Variants in EPN2 observed in about 807,000 individuals in gnomAD.
EPN2 encodes the protein epsin-2.
A neutral mutation model predicts 61.7 loss-of-function variants in EPN2; 34 were observed. The observed-to-expected ratio is 0.55, with a 90% confidence interval of 0.42 to 0.73. The LOEUF (loss-of-function observed/expected upper bound fraction) is 0.73, where lower values mean the gene tolerates loss of function less well. EPN2 is among the 30% of genes least tolerant of loss of function. The pLI is 0.00. For synonymous variants in EPN2, 349 were observed against 353.6 expected (o/e 0.99, Z 0.15); for missense variants, 714 against 839.2 (o/e 0.85, Z 1.84).
chr17:19,335,586 T>A lies in EPN2; in HGVS notation c.*1332T>A. On this transcript the variant is annotated 3_prime_UTR_variant, in exon 11 of 11. Transcript: ENST00000314728. Reference sequence around the variant, plus strand: ...TGGGGGGTGCTTCTGTGCCCACGGGTCCCTGGGCAACAGTCCCTAGGCTAA... The same window carrying A: ...TGGGGGGTGCTTCTGTGCCCACGGGACCCTGGGCAACAGTCCCTAGGCTAA... The A allele has an allele frequency of 5.5e-6, 5 of 905,110 alleles. No homozygotes were observed. Among genetic ancestry groups the A allele is most frequent in the South Asian group, 2.0e-5 (1 of 49,064 alleles). 56.1% of individuals were successfully genotyped at this position (905,110 alleles called of 1,614,324 possible). A position where few individuals can be genotyped will look rare whatever the true frequency, so the allele number is the denominator to read the frequency against.
chr17:19,294,620 A>T (rs570197168), intron 4 of EPN2, among the ~76,000 whole-genome samples: 46 of 152,340 alleles, frequency 3.0e-4, no homozygotes, highest in African/African-American at 6.5e-4. Flanking sequence ...ACAGTATGAT[A>T]CATAGTTGTT....
intron 1 of EPN2, among the ~76,000 whole-genome samples, chr17:19,244,367 G>A (rs1215803735): frequency 1.3e-5 from 2 of 151,928 alleles, no homozygotes; most frequent in Non-Finnish European, 2.9e-5. Flanking sequence ...GCTGAGGCAC[G>A]AGAATTGCTT....
At chr17:19,311,743 A>G (rs904453223) in intron 5 of EPN2, among the ~76,000 whole-genome samples, 2 of 152,298 alleles carry the variant, frequency 1.3e-5, no homozygotes, top group Admixed American at 1.3e-4. Context: ...GAATTTATAA[A>G]GCCAGTTTCA....
intron 7 of EPN2, among the ~76,000 whole-genome samples, chr17:19,315,359 G>A (rs766292868): frequency 1.3e-5 from 2 of 152,160 alleles, no homozygotes; most frequent in Non-Finnish European, 2.9e-5. Flanking sequence ...GGGTGTGAGC[G>A]GAGGAGTCTC....
rs1217448665 is a variant in EPN2, at chr17:19,328,836, G to A, written c.1273G>A (p.Ala425Thr). Residue 425 changes from alanine (A) to threonine (T), a missense_variant, in exon 8 of 11, where the codon GCT becomes ACT. Physicochemically the swap from Ala to Thr is moderately conservative, Grantham distance 58. This residue lies in a region of EPN2 where 410 missense variants were observed against 421.8 expected (regional missense o/e 0.97). Transcript: ENST00000314728. ...GCCTGCCTCCAGTGCTGGGAAAAGA[G>A]CTTCTGACGCGTGGGGCGCAGTCTC... The part of the protein sequence containing the change: ...QQPASSAGKR[A>T]SDAWGAVSTT... 3 of 1,613,376 alleles carry A rather than the reference G, an allele frequency of 1.9e-6. No individual in the cohort carries two copies. In the African/African-American group the frequency reaches 4.0e-5, roughly 22 times the overall value.
intron 7 of EPN2, among the ~76,000 whole-genome samples, chr17:19,315,597 C>T (rs1344864673): frequency 5.9e-5 from 9 of 152,178 alleles, no homozygotes; most frequent in East Asian, 3.8e-4. Flanking sequence ...AGCAATTCTC[C>T]TGCTTCATCC....
chr17:19,241,962 A>G (rs747927670), intron 1 of EPN2, among the ~76,000 whole-genome samples: 2 of 152,202 alleles, frequency 1.3e-5, no homozygotes, highest in African/African-American at 2.4e-5. Context: ...ATAATAGAAT[A>G]AATTTGTTGT....
chr17:19,328,470 A>G (rs1907001531), intron 7 of EPN2, among the ~76,000 whole-genome samples: 1 of 152,080 alleles, frequency 6.6e-6, no homozygotes, highest in African/African-American at 2.4e-5. Context: ...GGTCATTACT[A>G]GAGGACAGGG....
chr17:19,328,990 T>A, intron 8 of EPN2, 103 bp downstream of exon 8: 2 of 1,051,430 alleles, frequency 1.9e-6, no homozygotes, highest in Non-Finnish European at 2.8e-6. Flanking sequence ...TTTGCTTGCA[T>A]TTGCTCCCCT....
chr17:19,332,133 T>C, intron 10 of EPN2, 65 bp downstream of exon 10: 2 of 1,204,026 alleles, frequency 1.7e-6, no homozygotes, highest in Non-Finnish European at 1.2e-6. Flanking sequence ...GCAGCAGGCC[T>C]CTTGGGGGCT....
chr17:19,312,023 A>G, intron 5 of EPN2, 29 bp from the exon 6 acceptor site: 1 of 1,452,858 alleles, frequency 6.9e-7, no homozygotes. Context: ...ATGTTATTAC[A>G]ATTACCAGTT....
chr17:19,294,689 C>T (rs978262295), intron 4 of EPN2, among the ~76,000 whole-genome samples: 4 of 151,986 alleles, frequency 2.6e-5, no homozygotes, highest in Admixed American at 6.6e-5. Context: ...TTTCTTTTTT[C>T]CCTAAATCAC....
At chr17:19,240,358 T>C (rs1394208872) in intron 1 of EPN2, among the ~76,000 whole-genome samples, 1 of 152,160 alleles carries the variant, frequency 6.6e-6, no homozygotes, top group Non-Finnish European at 1.5e-5. Flanking sequence ...GTGATTCTCC[T>C]GCCTAACCTC....
chr17:19,289,394 A>G (rs1215422574), intron 4 of EPN2, among the ~76,000 whole-genome samples: 2 of 151,894 alleles, frequency 1.3e-5, no homozygotes, highest in African/African-American at 2.4e-5. Flanking sequence ...GATTCTGGGT[A>G]TGTTTTAAAG....
At chr17:19,312,282 A>T in intron 6 of EPN2, 138 bp downstream of exon 6, 1 of 648,966 alleles carries the variant, frequency 1.5e-6, no homozygotes, top group Non-Finnish European at 2.8e-6. Flanking sequence ...GCCTGTAGTG[A>T]GCGAGAGCCA....
intron 1 of EPN2, among the ~76,000 whole-genome samples, chr17:19,246,858 C>A (rs747788892): frequency 1.6e-4 from 24 of 151,282 alleles, no homozygotes; most frequent in Middle Eastern, 3.4e-3. Context: ...AGGCTCCGCC[C>A]CCGGGTTCAC....
At chr17:19,311,155 A>G (rs1001347070) in intron 5 of EPN2, among the ~76,000 whole-genome samples, 5 of 152,194 alleles carry the variant, frequency 3.3e-5, no homozygotes, top group Non-Finnish European at 5.9e-5. Flanking sequence ...GCAACATTCT[A>G]AAGCTCAGTG....
intron 4 of EPN2, among the ~76,000 whole-genome samples, chr17:19,298,365 T>A (rs575702521): frequency 3.3e-5 from 5 of 152,262 alleles, no homozygotes; most frequent in Admixed American, 2.6e-4. Flanking sequence ...CAATTAATTT[T>A]TTGTATTTTT....
chr17:19,317,264 T>C (rs1429335908), intron 7 of EPN2, among the ~76,000 whole-genome samples: 1 of 152,154 alleles, frequency 6.6e-6, no homozygotes, highest in African/African-American at 2.4e-5. Flanking sequence ...AGGAGGGAGA[T>C]TGGAGCCTGC....
Sources: gnomAD v4.1 joint callset for allele counts (sites outside exome capture counted in the v4.1 genomes callset) on GRCh38, gnomAD v4.1.1 for gene constraint, gnomAD v4.1.1 regional missense constraint, MANE v1.5 for transcripts, NCBI Gene and HGNC (gene_info 2026-07-23, HGNC 2026-07-21) for gene names.